Variants in SGPP2 observed in about 807,000 individuals in gnomAD.
SGPP2 encodes sphingosine 1-phosphate phosphohydrolase 2.
In SGPP2, 30 loss-of-function variants were observed where a neutral mutation model predicts 33.9. The observed-to-expected ratio is 0.89, with a 90% CI of 0.66 to 1.20. The LOEUF (loss-of-function observed/expected upper bound fraction) is 1.20, where lower values mean the gene tolerates loss of function less well. Among genes scored for constraint, SGPP2 ranks in the 50% most tolerant of loss-of-function variants. SGPP2 has a pLI of 0.00. For missense variants in SGPP2, 458 were observed against 532.1 expected (o/e 0.86, Z 1.37); for synonymous variants, 233 against 225.0 (o/e 1.04, Z -0.32).
At position 222,558,483 on chromosome 2, in the gene SGPP2, A is replaced by G; in HGVS notation, c.785A>G (p.Tyr262Cys). 1 of 1,614,084 alleles carries G rather than the reference A, an allele frequency of 6.2e-7. No individual in the cohort carries two copies. The highest frequency in any genetic ancestry group is 8.5e-7 in the Non-Finnish European group (1 of 1,180,012). ...ATAGTTGTGCCATTCTTCCTGTGTT[A>G]CAATTACCCTGTTTCTGATTACTAC... is the stretch of plus-strand genomic sequence containing the variant. The part of the protein sequence containing the change: ...CVIVVPFFLC[Y>C]NYPVSDYYSP... Residue 262 changes from tyrosine to cysteine, a missense_variant, in exon 5 of 5, where the codon TAC becomes TGC. Transcript: ENST00000321276.
intron 4 of SGPP2, among the ~76,000 whole-genome samples, chr2:222,554,768 G>C (rs954386793): frequency 6.6e-6 from 1 of 152,196 alleles, no homozygotes; most frequent in South Asian, 2.1e-4. Flanking sequence ...TCCAGAGCCT[G>C]CTTTGCAGAC....
intron 4 of SGPP2, among the ~76,000 whole-genome samples, chr2:222,542,465 A>ATGT (rs1699013020): frequency 6.6e-6 from 1 of 152,200 alleles, no homozygotes; most frequent in South Asian, 2.1e-4. Context: ...AGGCATGCAT[A>ATGT]TGTTCAGCTT....
chr2:222,521,745 C>A, intron 2 of SGPP2, 22 bp from the exon 3 acceptor site: 1 of 1,592,446 alleles, frequency 6.3e-7, no homozygotes, highest in Non-Finnish European at 8.5e-7. Flanking sequence ...ATTAGACTTA[C>A]CTCAGTCCTT....
intron 2 of SGPP2, among the ~76,000 whole-genome samples, chr2:222,515,320 A>G (rs10203244): frequency 0.88 from 134,614 of 152,136 alleles, 59,954 homozygotes; most frequent in East Asian, 1. Context: ...TCAGAAAAAT[A>G]TTGAACCACT....
intron 2 of SGPP2, among the ~76,000 whole-genome samples, chr2:222,494,957 G>T (rs117612305): frequency 6.6e-6 from 1 of 152,108 alleles, no homozygotes; most frequent in East Asian, 1.9e-4. Context: ...GATTGAACCC[G>T]GGAGGTGGAG....
At chr2:222,528,247 A>G (rs1232213877) in intron 4 of SGPP2, among the ~76,000 whole-genome samples, 3 of 152,208 alleles carry the variant, frequency 2.0e-5, no homozygotes, top group Non-Finnish European at 4.4e-5. Context: ...TCACTGACAG[A>G]TGAATGGATG....
intron 4 of SGPP2, among the ~76,000 whole-genome samples, chr2:222,526,467 G>A (rs1340956880): frequency 5.9e-5 from 9 of 152,098 alleles, no homozygotes; most frequent in Non-Finnish European, 1.0e-4. Flanking sequence ...GGAGGAGGGC[G>A]TTCTCTATTT....
At chr2:222,508,378 C>G (rs762555211) in intron 2 of SGPP2, among the ~76,000 whole-genome samples, 1 of 152,180 alleles carries the variant, frequency 6.6e-6, no homozygotes, top group Non-Finnish European at 1.5e-5. Context: ...TCAAGTCCAG[C>G]TTCTCTACAC....
intron 4 of SGPP2, among the ~76,000 whole-genome samples, chr2:222,535,704 G>C (rs563702636): frequency 6.6e-6 from 1 of 152,330 alleles, no homozygotes; most frequent in East Asian, 1.9e-4. Flanking sequence ...CACCTCGGAG[G>C]CTGCTTCAGC....
intron 1 of SGPP2, among the ~76,000 whole-genome samples, chr2:222,458,674 T>C (rs1162374466): frequency 6.6e-6 from 1 of 152,198 alleles, no homozygotes; most frequent in East Asian, 1.9e-4. Flanking sequence ...AATTTACCTA[T>C]GTTGTTCCTA....
chr2:222,441,285 T>C (rs950476040), intron 1 of SGPP2, among the ~76,000 whole-genome samples: 1 of 152,214 alleles, frequency 6.6e-6, no homozygotes, highest in Non-Finnish European at 1.5e-5. Context: ...AGATTTATGT[T>C]CTTCTCCCAC....
At chr2:222,437,070 T>A (rs1697253134) in intron 1 of SGPP2, among the ~76,000 whole-genome samples, 1 of 152,182 alleles carries the variant, frequency 6.6e-6, no homozygotes, top group Admixed American at 6.5e-5. Flanking sequence ...TCCTAGCCAC[T>A]TGATTAATAA....
chr2:222,424,606 G>A lies in SGPP2; in HGVS notation c.4G>A (p.Ala2Thr), dbSNP rs1248057748. Reference sequence around the variant, plus strand: ...GGAGCGCGGCCCCGGGCACACCATGGCCGAGCTGCTGCGGAGCCTGCAGGA... The same window carrying A: ...GGAGCGCGGCCCCGGGCACACCATGACCGAGCTGCTGCGGAGCCTGCAGGA... M[A>T]ELLRSLQDSQ... The change falls in exon 1 of 5, where the codon GCC becomes ACC. Residue 2 changes from alanine (A) to threonine (T), a missense_variant. Ala to Thr is a moderately conservative substitution (Grantham distance 58). Transcript: ENST00000321276. 5 of 1,346,932 alleles carry A rather than the reference G, an allele frequency of 3.7e-6. No individual in the cohort carries two copies. In the South Asian group the frequency reaches 5.3e-5, roughly 14 times the overall value. 83.4% of individuals were successfully genotyped at this position (1,346,932 alleles called of 1,614,324 possible). A position where few individuals can be genotyped will look rare whatever the true frequency, so the allele number is the denominator to read the frequency against.
chr2:222,446,426 G>A (rs1009880905), intron 1 of SGPP2, among the ~76,000 whole-genome samples: 1 of 152,162 alleles, frequency 6.6e-6, no homozygotes. Context: ...TGAAACAGTC[G>A]ATCCGAGTAC....
chr2:222,445,919 G>T (rs1270159027), intron 1 of SGPP2, among the ~76,000 whole-genome samples: 1 of 152,166 alleles, frequency 6.6e-6, no homozygotes, highest in South Asian at 2.1e-4. Context: ...GAATGTAAAG[G>T]GTTCAGATTG....
intron 4 of SGPP2, among the ~76,000 whole-genome samples, chr2:222,531,787 G>A (rs1158570274): frequency 6.6e-6 from 1 of 152,108 alleles, no homozygotes; most frequent in African/African-American, 2.4e-5. Context: ...CCGGGGTTGA[G>A]AGTCATTGAT....
rs981276396 is a variant in SGPP2, at chr2:222,424,832, G to C, written c.219+11G>C. On this transcript the variant is annotated intron_variant, in intron 1 of 4. Transcript: ENST00000321276. The stretch of plus-strand genomic sequence containing the variant: ...GCCGCGGCGCCGGAGGTAACCATGG[G>C]CAGGTGTTCGCCGGGTACGGGGAGG... 3 of 1,341,098 alleles carry C rather than the reference G, an allele frequency of 2.2e-6. No individual in the cohort carries two copies. Among genetic ancestry groups the C allele is most frequent in the Admixed American group, 7.4e-5 (2 of 27,102 alleles). 83.1% of individuals were successfully genotyped at this position (1,341,098 alleles called of 1,614,324 possible).
At chr2:222,512,045 T>C (rs1412096324) in intron 2 of SGPP2, among the ~76,000 whole-genome samples, 1 of 151,472 alleles carries the variant, frequency 6.6e-6, no homozygotes, top group Non-Finnish European at 1.5e-5. Context: ...GACAGAGTCT[T>C]GCTCTGTCGC....
intron 2 of SGPP2, among the ~76,000 whole-genome samples, chr2:222,481,271 G>A (rs915736654): frequency 1.3e-5 from 2 of 152,106 alleles, no homozygotes; most frequent in Non-Finnish European, 2.9e-5. Context: ...AAAGAAAAAT[G>A]ATATCTCAGT....
Sources: allele counts gnomAD v4.1 joint callset (sites outside exome capture counted in the v4.1 genomes callset), GRCh38; gene constraint gnomAD v4.1.1; transcripts MANE v1.5; gene names NCBI Gene and HGNC (gene_info 2026-07-23, HGNC 2026-07-21).